Variants in SSH2 observed in about 807,000 individuals in gnomAD.
The protein encoded by SSH2 is slingshot protein phosphatase 2.
SSH2 carries 37 observed loss-of-function variants against 135.2 expected under a neutral mutation model. The observed-to-expected ratio is 0.27, with a 90% CI of 0.21 to 0.36. The LOEUF (loss-of-function observed/expected upper bound fraction) is 0.36. Among genes scored for constraint, SSH2 ranks in the 10% least tolerant of loss-of-function variants. The pLI, the probability that SSH2 is intolerant of heterozygous loss-of-function variation, is 1.00. For missense variants in SSH2, 1,408 were observed against 1,765.3 expected (o/e 0.80, Z 3.63); for synonymous variants, 628 against 646.2 (o/e 0.97, Z 0.43).
intron 3 of SSH2, chr17:29,716,803 C>T: frequency 2.4e-6 from 1 of 408,732 alleles, no homozygotes; most frequent in South Asian, 2.1e-5. Flanking sequence ...TTTTTCTACC[C>T]ACTGGCATCT....
At chr17:29,745,171 T>C (rs1052035725) in intron 3 of SSH2, among the ~76,000 whole-genome samples, 1 of 152,006 alleles carries the variant, frequency 6.6e-6, no homozygotes, top group Non-Finnish European at 1.5e-5. Context: ...TTTCTTTTTT[T>C]TTTTTTGAAA....
At chr17:29,655,724 C>A in intron 11 of SSH2, 117 bp from the exon 12 acceptor site, 1 of 839,456 alleles carries the variant, frequency 1.2e-6, no homozygotes, top group Non-Finnish European at 2.0e-6. Flanking sequence ...TACCAGTGCC[C>A]TTTAAGTTGC....
chr17:29,929,026 T>C (rs1305956652), intron 1 of SSH2, among the ~76,000 whole-genome samples: 1 of 152,184 alleles, frequency 6.6e-6, no homozygotes, highest in Non-Finnish European at 1.5e-5. Flanking sequence ...GTGCAATATA[T>C]TGTTTTTAAA....
chr17:29,702,105 C>T (rs1409604032), intron 4 of SSH2, among the ~76,000 whole-genome samples: 1 of 151,956 alleles, frequency 6.6e-6, no homozygotes, highest in African/African-American at 2.4e-5. Context: ...ATAATCCTAG[C>T]ACTTTGGATA....
At chr17:29,880,186 A>T (rs1211344320) in intron 1 of SSH2, among the ~76,000 whole-genome samples, 1 of 152,186 alleles carries the variant, frequency 6.6e-6, no homozygotes, top group Non-Finnish European at 1.5e-5. Context: ...CAGTGACACA[A>T]TCACAGCTCA....
At chr17:29,928,181 G>A (rs2067103400) in intron 1 of SSH2, 1 of 192,412 alleles carries the variant, frequency 5.2e-6, no homozygotes, top group African/African-American at 2.3e-5. Flanking sequence ...ATCAGGCCTA[G>A]TAACCACAAA....
intron 1 of SSH2, among the ~76,000 whole-genome samples, chr17:29,860,276 T>C (rs2065738949): frequency 6.6e-6 from 1 of 152,198 alleles, no homozygotes; most frequent in Admixed American, 6.5e-5. Context: ...TTGTTATTTT[T>C]TGACTTTTAA....
At chr17:29,863,163 CCTTAACAA>C (rs1406183561) in intron 1 of SSH2, among the ~76,000 whole-genome samples, 2 of 151,924 alleles carry the variant, frequency 1.3e-5, no homozygotes, top group African/African-American at 4.8e-5. Flanking sequence ...ACTAACTGGT[CCTTAACAA>C]CAACAACAAA....
Position 29,722,102 on chromosome 17 carries a change from C to T in SSH2, c.189-19040G>A, listed in dbSNP as rs139197182. ...CCAGCCTAGTCAAGATGGTGAAACCCCATCTCTACTAAAAATACAAACATT... is the reference window on the plus strand; with the variant it reads ...CCAGCCTAGTCAAGATGGTGAAACCTCATCTCTACTAAAAATACAAACATT... On this transcript the variant is annotated intron_variant, in intron 3 of 15. Coordinates refer to ENST00000540801, the MANE Select transcript of SSH2 (RefSeq NM_001282129.2). Among the ~76,000 whole-genome samples, 371 of 151,998 alleles carry T rather than the reference C, an allele frequency of 2.4e-3. 2 individuals are homozygous for T. The highest frequency in any genetic ancestry group is 6.8e-3 in the Middle Eastern group (2 of 294).
At chr17:29,688,097 G>GC (rs2151086439) in intron 5 of SSH2, among the ~76,000 whole-genome samples, 2 of 150,782 alleles carry the variant, frequency 1.3e-5, no homozygotes, top group African/African-American at 4.9e-5. Context: ...TGCAACCCCC[G>GC]CCCCCCGGGT....
intron 3 of SSH2, among the ~76,000 whole-genome samples, chr17:29,760,351 A>C (rs1046246551): frequency 2.6e-4 from 40 of 152,180 alleles, no homozygotes; most frequent in African/African-American, 9.6e-4. Context: ...CACAGACCCA[A>C]CTGCTGCTAT....
chr17:29,901,605 G>T (rs1418633858), intron 1 of SSH2, among the ~76,000 whole-genome samples: 1 of 152,112 alleles, frequency 6.6e-6, no homozygotes, highest in African/African-American at 2.4e-5. Context: ...ACAAGAAATG[G>T]TTCTTCCTCT....
At chr17:29,870,696 C>G (rs1428843838) in intron 1 of SSH2, among the ~76,000 whole-genome samples, 2 of 152,166 alleles carry the variant, frequency 1.3e-5, no homozygotes, top group African/African-American at 4.8e-5. Context: ...GTTTGGAGAT[C>G]TGGAATACTG....
intron 3 of SSH2, among the ~76,000 whole-genome samples, chr17:29,727,157 T>C (rs1326635234): frequency 1.3e-5 from 2 of 152,228 alleles, no homozygotes; most frequent in Non-Finnish European, 2.9e-5. Context: ...AATATACTAA[T>C]GGGCTCTAGT....
intron 9 of SSH2, among the ~76,000 whole-genome samples, chr17:29,667,907 A>T (rs1296494960): frequency 6.6e-6 from 1 of 152,214 alleles, no homozygotes; most frequent in East Asian, 1.9e-4. Context: ...TTAAAAATAA[A>T]ATCACCCTTG....
At chr17:29,805,033 C>T (rs1236780756) in intron 2 of SSH2, among the ~76,000 whole-genome samples, 2 of 151,680 alleles carry the variant, frequency 1.3e-5, no homozygotes, top group African/African-American at 4.8e-5. Context: ...GAACCTGTCA[C>T]ATCTGACAGG....
chr17:29,761,840 C>CGTGTGTGTGTGTGTGT (rs777352798), intron 3 of SSH2, among the ~76,000 whole-genome samples: 3 of 133,872 alleles, frequency 2.2e-5, no homozygotes, highest in South Asian at 4.6e-4. Context: ...CACTCACATA[C>CGTGTGTGTGTGTGTGT]ATATGTGTGT....
intron 11 of SSH2, among the ~76,000 whole-genome samples, chr17:29,661,761 C>T (rs996873592): frequency 1.3e-5 from 2 of 152,164 alleles, no homozygotes; most frequent in Non-Finnish European, 2.9e-5. Flanking sequence ...AACATTGACA[C>T]GATGGATAAA....
At position 29,635,968 on chromosome 17, in the gene SSH2, C is replaced by T; in HGVS notation, c.2262G>A (p.Lys754=). 6.2e-7 allele frequency: 1 copy of T among 1,603,066 alleles called. No individual in the cohort carries two copies. The highest frequency in any genetic ancestry group is 8.5e-7 in the Non-Finnish European group (1 of 1,171,986). The change falls in exon 15 of 16, where the codon AAG becomes AAA. Residue 754 remains lysine, a splice_region_variant and synonymous_variant. Coordinates refer to ENST00000540801, the MANE Select transcript of SSH2 (RefSeq NM_001282129.2). Reference sequence around the variant, plus strand: ...GGAAAACTATAAAGACAGTTTTTACCTTTGACTGTTCCTCATCCATTGAAG... The same window carrying T: ...GGAAAACTATAAAGACAGTTTTTACTTTTGACTGTTCCTCATCCATTGAAG... ...EESSMDEEQS[K]AISELVSPDI...
Sources: allele counts gnomAD v4.1 joint callset (sites outside exome capture counted in the v4.1 genomes callset), GRCh38; gene constraint gnomAD v4.1.1; transcripts MANE v1.5; gene names NCBI Gene and HGNC (gene_info 2026-07-23, HGNC 2026-07-21).